The following MROH9 variants were observed in gnomAD, a reference collection of about 807,000 sequenced individuals.
The protein encoded by MROH9 is maestro heat like repeat family member 9, also known as maestro heat-like repeat-containing protein family member 9.
MROH9 carries 92 observed loss-of-function variants against 98.2 expected under a neutral mutation model. That is an observed-to-expected ratio of 0.94 (90% CI 0.79 to 1.11). The LOEUF is 1.11. MROH9 is among the 50% of genes most tolerant of loss of function. MROH9 has a pLI of 0.00. For missense variants in MROH9, 1,057 were observed against 1,014.8 expected, an observed-to-expected ratio of 1.04 and a Z score of -0.57; for synonymous variants, 397 against 368.9, an observed-to-expected ratio of 1.08 and a Z score of -0.87.
At chr1:170,958,429 C>CTT (rs374865486) in intron 3 of MROH9, 32 bp from the exon 4 acceptor site, 3,878 of 986,898 alleles carry the variant, frequency 3.9e-3, no homozygotes, top group Non-Finnish European at 4.6e-3. Context: ...ATTAATTCTT[C>CTT]TTTTTTTTTT....
intron 3 of MROH9, among the ~76,000 whole-genome samples, 200 bp from the exon 4 acceptor site, chr1:170,958,261 C>G (rs10489245): frequency 0.08 from 12,155 of 152,188 alleles, 624 homozygotes; most frequent in Non-Finnish European, 0.11. Flanking sequence ...TGTAAAAGAC[C>G]TCCACTTAGG....
chr1:170,937,766 G>A (rs1051433683), intron 1 of MROH9, among the ~76,000 whole-genome samples: 4 of 151,820 alleles, frequency 2.6e-5, no homozygotes, highest in East Asian at 1.9e-4. Context: ...CTCGTGATCC[G>A]CCCGCCTCGG....
chr1:171,015,219 G>T, intron 16 of MROH9: 1 of 348,948 alleles, frequency 2.9e-6, no homozygotes, highest in African/African-American at 2.1e-5. Context: ...GCCATGGTCT[G>T]TTTACTTTAA....
chr1:171,052,437 T>G lies in MROH9; in HGVS notation c.2282-9695T>G, dbSNP rs549127372. The stretch of plus-strand genomic sequence containing the variant: ...TGGAGTAGAGAAACCTCCACTACCC[T>G]AAGTTCTCTCCATGGGAAGGGAGAG... On this transcript the variant is annotated intron_variant, in intron 20 of 21. Coordinates refer to ENST00000367759, the MANE Select transcript of MROH9 (RefSeq NM_001163629.2). 7.2e-5 allele frequency among the ~76,000 whole-genome samples: 11 copies of G among 152,264 alleles called. 1 individual carries two copies. In the South Asian group the frequency reaches 2.3e-3, roughly 32 times the overall value.
At chr1:171,025,484 A>AAT in intron 20 of MROH9, 64 bp downstream of exon 20, 1 of 1,099,498 alleles carries the variant, frequency 9.1e-7, no homozygotes, top group Non-Finnish European at 1.3e-6. Context: ...AGAAGAAACT[A>AAT]AAAGTCTTTC....
rs140804167 is a variant in MROH9 at position 170,949,996 on chromosome 1, T to C, written c.72+2423T>C. Among the ~76,000 whole-genome samples, 823 of 152,168 alleles carry C rather than the reference T, an allele frequency of 5.4e-3. 4 individuals carry two copies. The highest frequency in any genetic ancestry group is 0.018 in the African/African-American group (754 of 41,530). On this transcript the variant is annotated intron_variant, in intron 3 of 21. Coordinates refer to ENST00000367759, the MANE Select transcript of MROH9 (RefSeq NM_001163629.2). Reference sequence around the variant, plus strand: ...AGTACCCATAACATGTTAGGCATGCTGTAAGTGCTTTAAATGAATAACTCA... The same window carrying C: ...AGTACCCATAACATGTTAGGCATGCCGTAAGTGCTTTAAATGAATAACTCA...
chr1:170,954,698 A>G (rs1445148144), intron 3 of MROH9, among the ~76,000 whole-genome samples: 2 of 152,008 alleles, frequency 1.3e-5, no homozygotes, highest in Non-Finnish European at 2.9e-5. Flanking sequence ...TTTTGATAAT[A>G]CTTATCCTAA....
At chr1:170,956,509 T>C (rs777975400) in intron 3 of MROH9, among the ~76,000 whole-genome samples, 1 of 152,066 alleles carries the variant, frequency 6.6e-6, no homozygotes, top group Non-Finnish European at 1.5e-5. Context: ...GTTTTGCAGT[T>C]TTTCTTGCAG....
intron 5 of MROH9, among the ~76,000 whole-genome samples, chr1:170,961,248 A>G (rs1650006543): frequency 6.6e-6 from 1 of 152,234 alleles, no homozygotes; most frequent in Non-Finnish European, 1.5e-5. Context: ...GAGTATCCCA[A>G]AACAAACACT....
chr1:170,991,726 C>G (rs577063619), intron 11 of MROH9, among the ~76,000 whole-genome samples: 1 of 151,976 alleles, frequency 6.6e-6, no homozygotes, highest in Admixed American at 6.6e-5. Context: ...TTAATTAGTT[C>G]ATTTTTATTT....
Position 171,045,225 on chromosome 1 carries a change from C to T in MROH9, c.2282-16907C>T, listed in dbSNP as rs370118328. Among the ~76,000 whole-genome samples, 748 of 151,832 alleles carry T rather than the reference C, an allele frequency of 4.9e-3. 10 individuals carry two copies. The highest frequency in any genetic ancestry group is 0.017 in the African/African-American group (715 of 41,436). ...TTGTGTTAGCCAGGATGGTCTCGAT[C>T]TCCTGACCTCGTGATCCGCCCGCCT... On this transcript the variant is annotated intron_variant, in intron 20 of 21. Coordinates refer to ENST00000367759, the MANE Select transcript of MROH9 (RefSeq NM_001163629.2).
intron 3 of MROH9, among the ~76,000 whole-genome samples, chr1:170,956,126 A>G (rs58113721): frequency 0.088 from 13,428 of 152,150 alleles, 1,876 homozygotes; most frequent in African/African-American, 0.3. Context: ...AGTTGGCTGT[A>G]AGCATTTGGG....
chr1:170,959,366 C>T (rs1649916987), intron 4 of MROH9, 96 bp from the exon 5 acceptor site: 7 of 1,200,970 alleles, frequency 5.8e-6, no homozygotes, highest in African/African-American at 3.1e-5. Context: ...CAGAGCGAGA[C>T]TCTGTCTCAA....
chr1:170,954,923 T>C (rs1435129810), intron 3 of MROH9, among the ~76,000 whole-genome samples: 1 of 152,036 alleles, frequency 6.6e-6, no homozygotes, highest in Admixed American at 6.6e-5. Context: ...ATCTGAGCAG[T>C]ATACACTGCA....
chr1:170,964,225 A>T (rs997174420), intron 6 of MROH9, among the ~76,000 whole-genome samples: 1 of 152,096 alleles, frequency 6.6e-6, no homozygotes, highest in Non-Finnish European at 1.5e-5. Flanking sequence ...ATATAATGCT[A>T]ATGTGTGGAG....
chr1:171,026,211 G>A (rs557349796), intron 20 of MROH9, among the ~76,000 whole-genome samples: 55 of 151,354 alleles, frequency 3.6e-4, no homozygotes, highest in Non-Finnish European at 6.3e-4. Context: ...AGGCACGTGC[G>A]CGCACACACA....
chr1:171,033,771 T>C (rs999117719), intron 20 of MROH9, among the ~76,000 whole-genome samples: 4 of 152,120 alleles, frequency 2.6e-5, no homozygotes, highest in South Asian at 2.1e-4. Flanking sequence ...TAGGGAACAA[T>C]AGTAGATATA....
chr1:170,989,609 A>G (rs1651274306), intron 10 of MROH9, among the ~76,000 whole-genome samples: 1 of 152,256 alleles, frequency 6.6e-6, no homozygotes, highest in South Asian at 2.1e-4. Flanking sequence ...CTCCCAAAAT[A>G]AACTTTTAAA....
intron 1 of MROH9, among the ~76,000 whole-genome samples, chr1:170,943,407 AATATAAGCATAACTG>A (rs1201223599): frequency 2.0e-5 from 3 of 152,032 alleles, no homozygotes; most frequent in Non-Finnish European, 4.4e-5. Context: ...AATGAGATAA[AATATAAGCATAACTG>A]ATATCACTAA....
Sources: allele counts gnomAD v4.1 joint callset (sites outside exome capture counted in the v4.1 genomes callset), GRCh38; gene constraint gnomAD v4.1.1; transcripts MANE v1.5; gene names NCBI Gene and HGNC (gene_info 2026-07-23, HGNC 2026-07-21).